Variants in KIF26B observed in about 807,000 individuals in gnomAD.
KIF26B encodes the protein kinesin-like protein KIF26B.
KIF26B carries 63 observed loss-of-function variants against 151.2 expected under a neutral mutation model. The observed-to-expected ratio is 0.42, with a 90% CI of 0.34 to 0.51. The LOEUF (loss-of-function observed/expected upper bound fraction) is 0.51, where lower values mean the gene tolerates loss of function less well. KIF26B is among the 20% of genes least tolerant of loss of function. KIF26B has a pLI of 0.07. For missense variants in KIF26B, 2,813 were observed against 2,913.6 expected, an observed-to-expected ratio of 0.97 and a Z score of 0.79; for synonymous variants, 1,357 against 1,262.1, an observed-to-expected ratio of 1.08 and a Z score of -1.59.
chr1:245,421,415 A>G (rs1035700697), intron 4 of KIF26B, among the ~76,000 whole-genome samples: 3 of 152,182 alleles, frequency 2.0e-5, no homozygotes, highest in Non-Finnish European at 4.4e-5. Flanking sequence ...CAAAGGCTAA[A>G]TAACGAGGGA....
At chr1:245,285,990 C>A (rs1671158464) in intron 2 of KIF26B, among the ~76,000 whole-genome samples, 1 of 134,884 alleles carries the variant, frequency 7.4e-6, no homozygotes, top group African/African-American at 2.9e-5. Flanking sequence ...AGAGCAAGAC[C>A]CTCTCTCTAA....
intron 4 of KIF26B, among the ~76,000 whole-genome samples, chr1:245,514,728 C>T (rs1054494991): frequency 2.0e-5 from 3 of 152,188 alleles, no homozygotes; most frequent in Admixed American, 6.5e-5. Flanking sequence ...GGAAGAGTGG[C>T]GATTAGGTAA....
At chr1:245,304,186 T>G (rs1313323955) in intron 2 of KIF26B, among the ~76,000 whole-genome samples, 1 of 152,180 alleles carries the variant, frequency 6.6e-6, no homozygotes, top group Non-Finnish European at 1.5e-5. Flanking sequence ...CTGATGGGAT[T>G]TCAGATGGAT....
intron 2 of KIF26B, among the ~76,000 whole-genome samples, chr1:245,256,777 G>A (rs932923365): frequency 2.0e-5 from 3 of 152,120 alleles, no homozygotes; most frequent in Non-Finnish European, 4.4e-5. Flanking sequence ...CTGACAAAGC[G>A]GACTCTTTGT....
intron 2 of KIF26B, among the ~76,000 whole-genome samples, chr1:245,261,711 A>G (rs1670649066): frequency 6.6e-6 from 1 of 151,644 alleles, no homozygotes; most frequent in African/African-American, 2.4e-5. Context: ...CAGCCTCTCT[A>G]TAGCTAGGAC....
At chr1:245,292,501 A>G (rs919583057) in intron 2 of KIF26B, among the ~76,000 whole-genome samples, 2 of 152,100 alleles carry the variant, frequency 1.3e-5, no homozygotes, top group African/African-American at 4.8e-5. Flanking sequence ...TCGGGATCTC[A>G]GAGCAGGTGC....
intron 2 of KIF26B, among the ~76,000 whole-genome samples, chr1:245,255,061 T>C (rs544651447): frequency 3.5e-4 from 53 of 152,280 alleles, no homozygotes; most frequent in African/African-American, 1.2e-3. Context: ...AATGGATTAA[T>C]GTCATTATCT....
chr1:245,250,386 G>A (rs1670421287), intron 2 of KIF26B, among the ~76,000 whole-genome samples: 1 of 152,140 alleles, frequency 6.6e-6, no homozygotes, highest in African/African-American at 2.4e-5. Flanking sequence ...TTGAACTGTG[G>A]TATAACTTTC....
chr1:245,631,549 C>T (rs2043781855), intron 9 of KIF26B, among the ~76,000 whole-genome samples: 1 of 152,090 alleles, frequency 6.6e-6, no homozygotes, highest in Non-Finnish European at 1.5e-5. Context: ...ATGATTTTTG[C>T]ATCTATGTTC....
At chr1:245,548,745 C>CTTTTTT (rs34079894) in intron 5 of KIF26B, among the ~76,000 whole-genome samples, 5 of 143,760 alleles carry the variant, frequency 3.5e-5, no homozygotes, top group African/African-American at 7.7e-5. Flanking sequence ...CATTTTGCAA[C>CTTTTTT]TTTTTTTTTT....
chr1:245,491,524 C>T (rs1660409174), intron 4 of KIF26B, among the ~76,000 whole-genome samples: 1 of 152,172 alleles, frequency 6.6e-6, no homozygotes, highest in Admixed American at 6.5e-5. Flanking sequence ...GGGGAATGTT[C>T]CCGTAGCCTG....
rs566756113 is a variant in KIF26B, at chr1:245,552,676, G to A, written c.1350+11726G>A. Among the ~76,000 whole-genome samples the A allele has an allele frequency of 1.6e-4, 24 of 151,204 alleles. No homozygotes were observed. The South Asian group carries it at 2.5e-3, about 16-fold the overall frequency. On this transcript the variant is annotated intron_variant, in intron 5 of 14. Coordinates refer to ENST00000407071, the MANE Select transcript of KIF26B (RefSeq NM_018012.4). Reference sequence around the variant, plus strand: ...CGCCCAGGCTGGAGTGCAGTGGGGCGATCTTGGCTCCCTGCAACCTCTGCC... The same window carrying A: ...CGCCCAGGCTGGAGTGCAGTGGGGCAATCTTGGCTCCCTGCAACCTCTGCC...
intron 4 of KIF26B, 82 bp downstream of exon 4, chr1:245,419,827 A>ACTAGAAAGAGTTTGGGG: frequency 7.7e-7 from 1 of 1,299,492 alleles, no homozygotes; most frequent in Non-Finnish European, 1.1e-6. Flanking sequence ...CAGCTGAAAC[A>ACTAGAAAGAGTTTGGGG]CTAGAAAGAG....
chr1:245,621,207 C>T (rs974837769), intron 9 of KIF26B, among the ~76,000 whole-genome samples: 2 of 152,142 alleles, frequency 1.3e-5, no homozygotes, highest in African/African-American at 2.4e-5. Flanking sequence ...GGAACTACGA[C>T]GGTGCGGGAA....
intron 3 of KIF26B, among the ~76,000 whole-genome samples, chr1:245,371,944 CAAAG>C (rs937176444): frequency 1.3e-5 from 2 of 152,148 alleles, no homozygotes; most frequent in South Asian, 2.1e-4. Context: ...GACGGGCTTT[CAAAG>C]AAAGACTTTC....
intron 2 of KIF26B, among the ~76,000 whole-genome samples, chr1:245,258,594 A>C (rs1670581551): frequency 6.6e-6 from 1 of 152,190 alleles, no homozygotes; most frequent in Non-Finnish European, 1.5e-5. Flanking sequence ...GTGATTAGCA[A>C]CTGGCCCCTT....
chr1:245,671,036 C>G (rs1331400519), intron 10 of KIF26B, among the ~76,000 whole-genome samples: 1 of 152,182 alleles, frequency 6.6e-6, no homozygotes, highest in Non-Finnish European at 1.5e-5. Flanking sequence ...TCCTTCTACT[C>G]TCTATGCCCA....
At chr1:245,570,569 C>A (rs1044677573) in intron 5 of KIF26B, among the ~76,000 whole-genome samples, 1 of 152,298 alleles carries the variant, frequency 6.6e-6, no homozygotes, top group Non-Finnish European at 1.5e-5. Context: ...TCGTTTGGCA[C>A]CCCCATGGGT....
rs759229494 is a variant in KIF26B at position 245,293,944 on chromosome 1, C to A, written c.466-72890C>A. ...GAATGTAGTCATTTTGCTTTGTCTT[C>A]TTGGAAGAAGCATCAATATGAATAA... On this transcript the variant is annotated intron_variant, in intron 2 of 14. Coordinates refer to ENST00000407071, the MANE Select transcript of KIF26B (RefSeq NM_018012.4). 2.6e-5 allele frequency among the ~76,000 whole-genome samples: 4 copies of A among 152,136 alleles called. No homozygotes were observed. The South Asian group carries it at 8.3e-4, about 32-fold the overall frequency.
Sources: gnomAD v4.1 joint callset for allele counts (sites outside exome capture counted in the v4.1 genomes callset) on GRCh38, gnomAD v4.1.1 for gene constraint, MANE v1.5 for transcripts, NCBI Gene and HGNC (gene_info 2026-07-23, HGNC 2026-07-21) for gene names.